Variants in FLNC observed in about 807,000 individuals in gnomAD.
The protein encoded by FLNC is filamin-C.
In FLNC, 91 loss-of-function variants were observed where a neutral mutation model predicts 254.3. That is an observed-to-expected ratio of 0.36 (90% CI 0.30 to 0.43). FLNC has a LOEUF of 0.43. Ranked by LOEUF, FLNC falls within the 20% of genes least tolerant of loss-of-function variation. The pLI, the probability that FLNC is intolerant of heterozygous loss-of-function variation, is 1.00. For synonymous variants in FLNC, 1,430 were observed against 1,577.2 expected (o/e 0.91, Z 2.21); for missense variants, 2,853 against 3,802.6 (o/e 0.75, Z 6.57).
rs781589024 is a variant in FLNC, at chr7:128,846,156, C to T, written c.3957C>T (p.Tyr1319=). The change falls in exon 22 of 48, where the codon TAC becomes TAT. Residue 1319 remains tyrosine (Y), a synonymous_variant. Coordinates refer to ENST00000325888, the MANE Select transcript of FLNC (RefSeq NM_001458.5). ...CCTACCGAGTGCAGTACACCGCCTA[C>T]GAGGAGGGTGAGGGCCGGTGGGCCA... ...DGTYRVQYTA[Y]EEGVHLVEVL... is the part of the protein sequence containing the mutation. 1.2e-5 allele frequency: 19 copies of T among 1,612,552 alleles called. No homozygotes were observed. The highest frequency in any genetic ancestry group is 1.7e-5 in the Admixed American group (1 of 59,910).
Position 128,853,857 on chromosome 7 carries a change from T to C in FLNC, c.6484+20T>C. On this transcript the variant is annotated intron_variant, in intron 39 of 47. Transcript: ENST00000325888. ...TCCCAGGTAGAAGCCTGGAGGACCC[T>C]GGGTGGGGCGGGTGGTGGGAGAGGG... The C allele has an allele frequency of 6.2e-7, 1 of 1,612,924 alleles. No individual in the cohort carries two copies. The highest frequency in any genetic ancestry group is 8.5e-7 in the Non-Finnish European group (1 of 1,179,708).
chr7:128,842,757 C>T lies in FLNC; in HGVS notation c.2390-37C>T. 1 of 1,608,828 alleles carries T rather than the reference C, an allele frequency of 6.2e-7. No individual in the cohort carries two copies. Among genetic ancestry groups the T allele is most frequent in the Non-Finnish European group, 8.5e-7 (1 of 1,178,164 alleles). On this transcript the variant is annotated intron_variant, in intron 15 of 47. Coordinates refer to ENST00000325888, the MANE Select transcript of FLNC (RefSeq NM_001458.5). This position sits in a 1 kb window ranked among gnomAD's most constrained non-coding sequence, Gnocchi z 5.4. ...GGGCGGGGGTGAGTCGAGTCGGGGG[C>T]TGAGCCCAACTCACAGCAGTGCCCG...
In FLNC at chr7:128,843,240, C is replaced by T; in HGVS notation, c.2562C>T (p.Ala854=). Residue 854 remains alanine (A), a synonymous_variant, in exon 17 of 48, where the codon GCC becomes GCT. Coordinates refer to ENST00000325888, the MANE Select transcript of FLNC (RefSeq NM_001458.5). Reference sequence around the variant, plus strand: ...TCCTCCACATCCAGGAGATCCCCGCCAGCCCCTTCCACATCAAGGTGGACC... The same window carrying T: ...TCCTCCACATCCAGGAGATCCCCGCTAGCCCCTTCCACATCAAGGTGGACC... ...MVLFANQEIP[A]SPFHIKVDPS... 1 of 1,601,572 alleles carries T rather than the reference C, an allele frequency of 6.2e-7. No individual in the cohort carries two copies. The highest frequency in any genetic ancestry group is 8.5e-7 in the Non-Finnish European group (1 of 1,173,862).
chr7:128,844,733 G>A lies in FLNC; in HGVS notation c.3268G>A (p.Ala1090Thr). ...PAPFSIDTKG[A>T]GTGGLGLTVE... is the part of the protein sequence containing the mutation. Reference sequence around the variant, plus strand: ...GCCATTCTCCATCGACACCAAGGGGGCTGGCACAGGTGGCCTGGGGCTGAC... The same window carrying A: ...GCCATTCTCCATCGACACCAAGGGGACTGGCACAGGTGGCCTGGGGCTGAC... The change falls in exon 21 of 48, where the codon GCT (alanine) becomes ACT (threonine). Residue 1090 changes from alanine (A) to threonine (T), a missense_variant. Transcript: ENST00000325888. The A allele has an allele frequency of 3.1e-6, 5 of 1,613,968 alleles. No individual in the cohort carries two copies. Among genetic ancestry groups the A allele is most frequent in the Non-Finnish European group, 4.2e-6 (5 of 1,180,022 alleles).
Position 128,838,375 on chromosome 7 carries a change from G to C in FLNC, c.1156G>C (p.Glu386Gln), listed in dbSNP as rs1204536261. The C allele has an allele frequency of 3.1e-6, 5 of 1,614,074 alleles. No homozygotes were observed. The highest frequency in any genetic ancestry group is 4.2e-6 in the Non-Finnish European group (5 of 1,180,002). ...NKVSARGPGL[E>Q]PVGNVANKPT... ...GGTGTCAGCCCGTGGCCCTGGCCTG[G>C]AACCTGTGGGCAATGTGGCCAACAA... Residue 386 changes from glutamate to glutamine, a missense_variant, in exon 7 of 48, where the codon GAA (glutamate) becomes CAA (glutamine). Glu to Gln is a conservative substitution (Grantham distance 29, BLOSUM62 2). This residue lies in a region of FLNC where 1,573 missense variants were observed against 1,883.5 expected (regional missense o/e 0.84). Coordinates refer to ENST00000325888, the MANE Select transcript of FLNC (RefSeq NM_001458.5).
At chr7:128,851,652 A>G (rs2128938517) in intron 35 of FLNC, 24 bp downstream of exon 35, 1 of 1,611,612 alleles carries the variant, frequency 6.2e-7, no homozygotes, top group East Asian at 2.2e-5. Flanking sequence ...ATGGGCATGT[A>G]CAGCCCATGA....
intron 43 of FLNC, 46 bp downstream of exon 43, chr7:128,855,360 T>C (rs866861880): frequency 1.6e-6 from 2 of 1,253,146 alleles, no homozygotes; most frequent in Middle Eastern, 1.9e-4. Flanking sequence ...ATCTGAGAGA[T>C]GGGCAGGAGT....
chr7:128,846,280 G>A, intron 22 of FLNC, 21 bp from the exon 23 acceptor site: 1 of 1,613,730 alleles, frequency 6.2e-7, no homozygotes. Context: ...CCTGATTGAT[G>A]CCCCTGTGGC....
Position 128,850,423 on chromosome 7 carries a change from T to G in FLNC, c.5338T>G (p.Ser1780Ala). 1 of 1,613,794 alleles carries G rather than the reference T, an allele frequency of 6.2e-7. No homozygotes were observed. The change falls in exon 32 of 48, where the codon TCC becomes GCC. Residue 1780 changes from serine (S) to alanine (A), a missense_variant. Ser to Ala is a moderately conservative substitution (Grantham distance 99, BLOSUM62 1). Around this residue, in one of 10 missense-constraint regions of FLNC, gnomAD observed 258 missense variants for 312.3 expected, o/e 0.83. Transcript: ENST00000325888. ...EPVVPVEPME[S>A]MLRPFNLVIP... is the part of the protein sequence containing the mutation. Reference sequence around the variant, plus strand: ...AGTGGTGCCTGTGGAGCCAATGGAGTCCATGCTGAGGCCCTTCAACCTGGT... The same window carrying G: ...AGTGGTGCCTGTGGAGCCAATGGAGGCCATGCTGAGGCCCTTCAACCTGGT...
In FLNC at chr7:128,842,686, G is replaced by A. The variant is rs187143486; in HGVS notation, c.2377G>A (p.Glu793Lys). The change falls in exon 15 of 48, where the codon GAG becomes AAG. Residue 793 changes from glutamate (E) to lysine (K), a missense_variant. By Grantham distance (56) the Glu-to-Lys change is moderately conservative (BLOSUM62 1). Coordinates refer to ENST00000325888, the MANE Select transcript of FLNC (RefSeq NM_001458.5). The surrounding 1 kb of genome is among the most constrained non-coding windows in gnomAD (Gnocchi z 5.4). ...EPTYFTVDCS[E>K]AGQGDVSIGI... ...CACCTACTTCACGGTGGACTGCAGC[G>A]AGGCGGGGCAAGGTGCGCCCAGCCG... The A allele has an allele frequency of 3.2e-6, 5 of 1,555,564 alleles. No individual in the cohort carries two copies. Among genetic ancestry groups the A allele is most frequent in the African/African-American group, 1.4e-5 (1 of 73,768 alleles).
intron 35 of FLNC, among the ~76,000 whole-genome samples, chr7:128,852,052 G>A (rs914479201): frequency 6.6e-6 from 1 of 152,162 alleles, no homozygotes; most frequent in African/African-American, 2.4e-5. Flanking sequence ...TTTTAGTAGA[G>A]ACAGGGTTTC....
intron 17 of FLNC, 36 bp from the exon 18 acceptor site, chr7:128,843,372 G>T: frequency 6.2e-7 from 1 of 1,613,276 alleles, no homozygotes; most frequent in Non-Finnish European, 8.5e-7. Context: ...TTAGGTGGCT[G>T]CCAGGCCCTC....
At position 128,850,056 on chromosome 7, in the gene FLNC, C is replaced by A. The variant is rs563285308; in HGVS notation, c.5280C>A (p.Gly1760=). 4 of 1,541,992 alleles carry A rather than the reference C, an allele frequency of 2.6e-6. No individual in the cohort carries two copies. Among genetic ancestry groups the A allele is most frequent in the Non-Finnish European group, 3.5e-6 (4 of 1,148,930 alleles). ...AGCCCTACGCTCCTCCCCGGCCCGG[C>A]GCCCGCCCCACACACTGGGTACTGC... ...LRQPYAPPRP[G]ARPTHWATEE... is the part of the protein sequence containing the mutation. The change falls in exon 31 of 48, where the codon GGC becomes GGA. Residue 1760 remains glycine (G), a synonymous_variant. Coordinates refer to ENST00000325888, the MANE Select transcript of FLNC (RefSeq NM_001458.5).
rs980017186 is a variant in FLNC, at chr7:128,845,182, C to T, written c.3717C>T (p.Pro1239=). The change falls in exon 21 of 48, where the codon CCC becomes CCT. Residue 1239 remains proline (P), a synonymous_variant. Transcript: ENST00000325888. ...KYGGHPVPKF[P]TRVHVQPAVD... ...GCGGGCATCCCGTGCCCAAATTCCCCACCCGTGTCCATGTGCAGCCTGCGG... is the reference window on the plus strand; with the variant it reads ...GCGGGCATCCCGTGCCCAAATTCCCTACCCGTGTCCATGTGCAGCCTGCGG... The T allele has an allele frequency of 6.2e-7, 1 of 1,613,984 alleles. No individual in the cohort carries two copies. The highest frequency in any genetic ancestry group is 8.5e-7 in the Non-Finnish European group (1 of 1,180,056).
Position 128,853,769 on chromosome 7 carries a change from C to G in FLNC, c.6416C>G (p.Thr2139Ser). 6.2e-7 allele frequency: 1 copy of G among 1,613,824 alleles called. No individual in the cohort carries two copies. The highest frequency in any genetic ancestry group is 8.5e-7 in the Non-Finnish European group (1 of 1,180,032). Residue 2139 changes from threonine to serine, a missense_variant, in exon 39 of 48, where the codon ACC becomes AGC. Physicochemically the swap from Thr to Ser is moderately conservative, Grantham distance 58. Around this residue, in one of 10 missense-constraint regions of FLNC, gnomAD observed 551 missense variants for 835.0 expected, o/e 0.66. Coordinates refer to ENST00000325888, the MANE Select transcript of FLNC (RefSeq NM_001458.5). The part of the protein sequence containing the change: ...TGEGRMKESI[T>S]RRRQAPSIAT... Reference sequence around the variant, plus strand: ...GAGGGCCGCATGAAGGAGAGCATCACCCGGCGGAGACAGGCACCTTCCATC... The same window carrying G: ...GAGGGCCGCATGAAGGAGAGCATCAGCCGGCGGAGACAGGCACCTTCCATC...
chr7:128,851,775 A>G (rs1054363106), intron 35 of FLNC, 147 bp downstream of exon 35: 1 of 816,198 alleles, frequency 1.2e-6, no homozygotes, highest in Non-Finnish European at 2.1e-6. Flanking sequence ...TGATAAATGT[A>G]AAAACACTCT....
chr7:128,844,913 C>G lies in FLNC; in HGVS notation c.3448C>G (p.Arg1150Gly), dbSNP rs779184516. The G allele has an allele frequency of 1.1e-5, 18 of 1,613,818 alleles. 1 individual carries two copies. The South Asian group carries it at 2.0e-4, about 18-fold the overall frequency. ...TGGCTCGCCCTTCAAAGCCACCATT[C>G]GGCCTGTGTTTGACCCGAGCAAGGT... Reference protein sequence around the residue: ...IPGSPFKATIRPVFDPSKVRA... With the variant: ...IPGSPFKATIGPVFDPSKVRA... Residue 1150 changes from arginine (R) to glycine (G), a missense_variant, in exon 21 of 48, where the codon CGG becomes GGG. Arg to Gly is a moderately radical substitution (Grantham distance 125). This residue lies in a region of FLNC where 1,573 missense variants were observed against 1,883.5 expected (regional missense o/e 0.84). Transcript: ENST00000325888.
chr7:128,854,725 C>T (rs1808981649), intron 41 of FLNC, 43 bp downstream of exon 41: 1 of 1,613,002 alleles, frequency 6.2e-7, no homozygotes, highest in African/African-American at 1.3e-5. Context: ...GTCAGGGCAG[C>T]CAGTGTGAGG....
At position 128,854,049 on chromosome 7, in the gene FLNC, G is replaced by A. The variant is rs1808941275; in HGVS notation, c.6560G>A (p.Arg2187His). The A allele has an allele frequency of 6.2e-7, 1 of 1,613,158 alleles. No homozygotes were observed. Among genetic ancestry groups the A allele is most frequent in the Non-Finnish European group, 8.5e-7 (1 of 1,179,966 alleles). The change falls in exon 40 of 48, where the codon CGC (arginine) becomes CAC (histidine). Residue 2187 changes from arginine (R) to histidine (H), a missense_variant. By Grantham distance (29) the Arg-to-His change is conservative. Transcript: ENST00000325888. ...TFTRSSHTYT[R>H]TERTEISKTR... The stretch of plus-strand genomic sequence containing the variant: ...ACACGCAGCAGCCACACCTACACCC[G>A]CACGGAGCGCACGGAGATCAGCAAG...
Sources: gnomAD v4.1 joint callset for allele counts (sites outside exome capture counted in the v4.1 genomes callset) on GRCh38, gnomAD v4.1.1 for gene constraint, gnomAD v4.1.1 regional missense constraint, Gnocchi (gnomAD v3.1) non-coding constraint, MANE v1.5 for transcripts, NCBI Gene and HGNC (gene_info 2026-07-23, HGNC 2026-07-21) for gene names.